Variants in PARG observed in about 807,000 individuals in gnomAD.
The protein encoded by PARG is poly(ADP-ribose) glycohydrolase.
A neutral mutation model predicts 113.0 loss-of-function variants in PARG; 35 were observed. That is an observed-to-expected ratio of 0.31 (90% CI 0.24 to 0.41). PARG has a LOEUF of 0.41. Among genes scored for constraint, PARG ranks in the 10% least tolerant of loss-of-function variants. The probability of loss-of-function intolerance (pLI) is 1.00; values close to 1 mark genes in which losing one functional copy is unlikely to be tolerated. For missense variants in PARG, 797 were observed against 1,169.4 expected (o/e 0.68, Z 4.64); for synonymous variants, 330 against 409.9 (o/e 0.81, Z 2.36).
At chr10:49,898,199 C>G (rs1848187006) in intron 7 of PARG, among the ~76,000 whole-genome samples, 1 of 152,358 alleles carries the variant, frequency 6.6e-6, no homozygotes, top group East Asian at 1.9e-4. Flanking sequence ...TCTACTATAA[C>G]TTTAACTTAC....
chr10:49,922,490 A>T (rs1588996499), intron 5 of PARG, 57 bp downstream of exon 5: 3 of 1,609,918 alleles, frequency 1.9e-6, no homozygotes, highest in Non-Finnish European at 2.5e-6. Context: ...CAAAGGTCAA[A>T]CAAGCAAGTA....
chr10:49,923,701 T>C (rs1466711547), intron 4 of PARG, among the ~76,000 whole-genome samples: 2 of 151,166 alleles, frequency 1.3e-5, no homozygotes, highest in Non-Finnish European at 2.9e-5. Context: ...AAATTGGTGA[T>C]CAGCAGCTTC....
intron 8 of PARG, among the ~76,000 whole-genome samples, chr10:49,883,475 C>T (rs1554839838): frequency 3.4e-5 from 5 of 149,228 alleles, no homozygotes; most frequent in East Asian, 2.0e-4. Flanking sequence ...TTTGAAAATA[C>T]GTTCACAAAT....
chr10:49,941,463 G>C lies in PARG; in HGVS notation c.217+46C>G, dbSNP rs1839063130. ...CTGGGTCCTCAGACTGAGACCAGAA[G>C]GTTCGGGCCGAGGCGAAGGACAAAG... On this transcript the variant is annotated intron_variant, in intron 1 of 17. Transcript: ENST00000616448. 2.9e-6 allele frequency: 4 copies of C among 1,390,268 alleles called. No individual in the cohort carries two copies. In the South Asian group the frequency reaches 5.0e-5, roughly 17 times the overall value. The allele number at this position is 1,390,268 out of a possible 1,614,324, so 86.1% of individuals were successfully genotyped here. A position where few individuals can be genotyped will look rare whatever the true frequency, so the allele number is the denominator to read the frequency against.
rs556505118 is a variant in PARG, at chr10:49,831,754, A to G, written c.2647+1049T>C. Reference sequence around the variant, plus strand: ...TGCTTTCCCTTCTAGGCTTCGCTTTATGTGTCTCCTTTATAATAAAACTGC... The same window carrying G: ...TGCTTTCCCTTCTAGGCTTCGCTTTGTGTGTCTCCTTTATAATAAAACTGC... On this transcript the variant is annotated intron_variant, in intron 16 of 17. Coordinates refer to ENST00000616448, the MANE Select transcript of PARG (RefSeq NM_003631.5). Among the ~76,000 whole-genome samples, 4 of 152,270 alleles carry G rather than the reference A, an allele frequency of 2.6e-5. No individual in the cohort carries two copies. In the East Asian group the frequency reaches 7.7e-4, roughly 29 times the overall value.
rs139891555 is a variant in PARG, at chr10:49,820,304, G to A, written c.2648-11C>T. On this transcript the variant is annotated splice_polypyrimidine_tract_variant and intron_variant, in intron 16 of 17. Transcript: ENST00000616448. ...ATATCTGTATTAAGGCTGAGGCAAA[G>A]AGAAAAGACACGGCTATATCATGAC... is the stretch of plus-strand genomic sequence containing the variant. 1,227 of 1,542,786 alleles carry A rather than the reference G, an allele frequency of 8.0e-4. 8 individuals carry two copies. In the African/African-American group the frequency reaches 0.015, roughly 19 times the overall value.
rs1198994376 is a variant in PARG at position 49,902,835 on chromosome 10, A to AT, written c.1737+13081dup. ...ATGAGACTCGGTCTCTACAAAAAAA[A>AT]TTTTTTTTTTTTTTTTGAGACGGAG... On this transcript the variant is annotated intron_variant, in intron 7 of 17. Coordinates refer to ENST00000616448, the MANE Select transcript of PARG (RefSeq NM_003631.5). Among the ~76,000 whole-genome samples the AT allele has an allele frequency of 2.6e-3, 367 of 143,466 alleles. 1 individual carries two copies. The highest frequency in any genetic ancestry group is 0.022 in the South Asian group (99 of 4,464). 94.1% of individuals were successfully genotyped at this position (143,466 alleles called of 152,430 possible). A position where few individuals can be genotyped will look rare whatever the true frequency, so the allele number is the denominator to read the frequency against.
At chr10:49,892,405 T>C (rs1847852813) in intron 7 of PARG, among the ~76,000 whole-genome samples, 7 of 152,158 alleles carry the variant, frequency 4.6e-5, no homozygotes, top group Admixed American at 4.6e-4. Context: ...ACACACAGTT[T>C]TGTGTTACCT....
At chr10:49,888,321 TTC>T (rs1564633608) in intron 7 of PARG, among the ~76,000 whole-genome samples, 1 of 152,060 alleles carries the variant, frequency 6.6e-6, no homozygotes, top group African/African-American at 2.4e-5. Flanking sequence ...CTCTTTGTTG[TTC>T]TTTCTTCTTT....
At chr10:49,847,986 T>C (rs1845588629) in intron 13 of PARG, among the ~76,000 whole-genome samples, 1 of 151,590 alleles carries the variant, frequency 6.6e-6, no homozygotes, top group South Asian at 2.1e-4. Flanking sequence ...GTAAAGAGTA[T>C]ATGGAAATTC....
At chr10:49,866,847 C>G (rs1554836992) in intron 10 of PARG, among the ~76,000 whole-genome samples, 1 of 152,176 alleles carries the variant, frequency 6.6e-6, no homozygotes, top group Admixed American at 6.5e-5. Context: ...TCAAAAACCT[C>G]ATCTATAAGA....
Position 49,933,517 on chromosome 10 carries a change from T to A in PARG, c.931A>T (p.Asn311Tyr). The change falls in exon 3 of 18, where the codon AAT becomes TAT. Residue 311 changes from asparagine (N) to tyrosine (Y), a missense_variant. By Grantham distance (143) the Asn-to-Tyr change is moderately radical (BLOSUM62 -2). Transcript: ENST00000616448. ...ESPMDVDNSK[N>Y]SCQDSEADEE... ...TCTGCTTCTGAGTCTTGACAACTAT[T>A]TTTAGAATTATCCACATCCATCGGT... 3 of 1,611,264 alleles carry A rather than the reference T, an allele frequency of 1.9e-6. No homozygotes were observed. Among genetic ancestry groups the A allele is most frequent in the Non-Finnish European group, 2.5e-6 (3 of 1,177,540 alleles).
intron 7 of PARG, among the ~76,000 whole-genome samples, chr10:49,891,607 A>G (rs1588950295): frequency 4.7e-5 from 2 of 42,976 alleles, no homozygotes; most frequent in African/African-American, 1.4e-4. Flanking sequence ...ATATATATAT[A>G]TATATATATA....
chr10:49,820,283 C>T lies in PARG; in HGVS notation c.2658G>A (p.Gln886=). Residue 886 remains glutamine, a synonymous_variant, in exon 17 of 18, where the codon CAG becomes CAA. Coordinates refer to ENST00000616448, the MANE Select transcript of PARG (RefSeq NM_003631.5). Reference sequence around the variant, plus strand: ...GCTCAGCTGCAGCAGCTGCCAATATCTGTATTAAGGCTGAGGCAAAGAGAA... The same window carrying T: ...GCTCAGCTGCAGCAGCTGCCAATATTTGTATTAAGGCTGAGGCAAAGAGAA... ...GGDARLKALI[Q]ILAAAAAERD... is the part of the protein sequence containing the mutation. The T allele has an allele frequency of 3.2e-6, 5 of 1,548,618 alleles. No homozygotes were observed. Among genetic ancestry groups the T allele is most frequent in the Non-Finnish European group, 4.4e-6 (5 of 1,144,018 alleles).
At position 49,820,129 on chromosome 10, in the gene PARG, T is replaced by G. The variant is rs1028794103; in HGVS notation, c.2776+36A>C. The G allele has an allele frequency of 5.5e-6, 8 of 1,443,208 alleles. No individual in the cohort carries two copies. In the African/African-American group the frequency reaches 1.1e-4, roughly 20 times the overall value. 89.4% of individuals were successfully genotyped at this position (1,443,208 alleles called of 1,614,324 possible). On this transcript the variant is annotated intron_variant, in intron 17 of 17. Coordinates refer to ENST00000616448, the MANE Select transcript of PARG (RefSeq NM_003631.5). Reference sequence around the variant, plus strand: ...TTCCCACTGAATGGTGTACAATCCATCTAGATACCAAGTGTCAAGAGTATC... The same window carrying G: ...TTCCCACTGAATGGTGTACAATCCAGCTAGATACCAAGTGTCAAGAGTATC...
intron 6 of PARG, among the ~76,000 whole-genome samples, chr10:49,920,481 T>A (rs1292456520): frequency 2.0e-5 from 2 of 101,808 alleles, no homozygotes; most frequent in African/African-American, 3.5e-5. Flanking sequence ...TATATATATA[T>A]ATATATATAT....
At chr10:49,937,704 T>A (rs1838822695) in intron 1 of PARG, among the ~76,000 whole-genome samples, 2 of 152,064 alleles carry the variant, frequency 1.3e-5, no homozygotes. Flanking sequence ...GTTCCAGTGA[T>A]GGCAAAGAAG....
intron 15 of PARG, among the ~76,000 whole-genome samples, chr10:49,839,103 G>A (rs543049480): frequency 1.3e-5 from 2 of 152,246 alleles, no homozygotes; most frequent in Non-Finnish European, 2.9e-5. Flanking sequence ...TTGGGAGGCC[G>A]AGATGGGCAG....
At chr10:49,929,733 G>C (rs1838394317) in intron 4 of PARG, among the ~76,000 whole-genome samples, 1 of 151,850 alleles carries the variant, frequency 6.6e-6, no homozygotes, top group Admixed American at 6.6e-5. Context: ...GGCTGAGGCA[G>C]GAGAATTGCT....
Sources: allele counts gnomAD v4.1 joint callset (sites outside exome capture counted in the v4.1 genomes callset), GRCh38; gene constraint gnomAD v4.1.1; transcripts MANE v1.5; gene names NCBI Gene and HGNC (gene_info 2026-07-23, HGNC 2026-07-21).